The following HFM1 variants were observed in gnomAD, a reference collection of about 807,000 sequenced individuals.
The protein encoded by HFM1 is helicase for meiosis 1.
HFM1 carries 169 observed loss-of-function variants against 192.1 expected under a neutral mutation model. That is an observed-to-expected ratio of 0.88 (90% CI 0.78 to 1.00). The LOEUF (loss-of-function observed/expected upper bound fraction) is 1.00. Ranked by LOEUF, HFM1 falls within the 50% of genes least tolerant of loss-of-function variation. HFM1 has a pLI of 0.00. For synonymous variants in HFM1, 525 were observed against 537.8 expected (o/e 0.98, Z 0.33); for missense variants, 1,661 against 1,668.0 (o/e 1.00, Z 0.07).
At chr1:91,344,197 G>A (rs1312409315) in intron 19 of HFM1, among the ~76,000 whole-genome samples, 1 of 152,160 alleles carries the variant, frequency 6.6e-6, no homozygotes, top group East Asian at 1.9e-4. Flanking sequence ...GTAATCTGCT[G>A]CTGACAGTTC....
At chr1:91,308,939 C>T (rs1404979442) in intron 30 of HFM1, among the ~76,000 whole-genome samples, 1 of 151,870 alleles carries the variant, frequency 6.6e-6, no homozygotes, top group East Asian at 1.9e-4. Flanking sequence ...GTCCTTAGTG[C>T]TTCCACAAAT....
intron 2 of HFM1, among the ~76,000 whole-genome samples, chr1:91,398,989 C>T (rs565268094): frequency 2.0e-5 from 3 of 152,022 alleles, no homozygotes; most frequent in East Asian, 3.9e-4. Context: ...CACCGTGCCT[C>T]GTCACTCCTC....
intron 2 of HFM1, among the ~76,000 whole-genome samples, chr1:91,400,371 T>C (rs1219032328): frequency 6.6e-6 from 1 of 152,142 alleles, no homozygotes; most frequent in Non-Finnish European, 1.5e-5. Context: ...GGTGACGTCA[T>C]TCCTTGTCCT....
intron 3 of HFM1, among the ~76,000 whole-genome samples, chr1:91,395,464 G>A (rs1426379464): frequency 6.6e-6 from 1 of 152,066 alleles, no homozygotes; most frequent in African/African-American, 2.4e-5. Context: ...GGGTATGTAT[G>A]TATTTAGAGA....
At chr1:91,373,747 G>A (rs934924256) in intron 13 of HFM1, among the ~76,000 whole-genome samples, 1 of 151,988 alleles carries the variant, frequency 6.6e-6, no homozygotes, top group Non-Finnish European at 1.5e-5. Flanking sequence ...CAGAAGCCGA[G>A]CAGATGTGGT....
chr1:91,329,110 G>A (rs919517917), intron 20 of HFM1: 10 of 1,609,736 alleles, frequency 6.2e-6, no homozygotes, highest in East Asian at 2.2e-5. Context: ...GGGCCCAAGC[G>A]GGCTGTGGAT....
At chr1:91,314,354 G>A (rs564999547) in intron 28 of HFM1, among the ~76,000 whole-genome samples, 4 of 152,332 alleles carry the variant, frequency 2.6e-5, no homozygotes, top group South Asian at 4.1e-4. Flanking sequence ...CCTAGGCTCA[G>A]GCAGTCTTCC....
upstream of HFM1, among the ~76,000 whole-genome samples, chr1:91,407,821 T>C (rs954832029): frequency 7.9e-5 from 12 of 152,236 alleles, no homozygotes; most frequent in Admixed American, 7.8e-4. Flanking sequence ...TTACAGCCAA[T>C]GCCATGAGTT....
rs1557765788 is a variant in HFM1 at position 91,277,506 on chromosome 1, G to GTGTGT, written c.3392-445_3392-444insACACA. 2.5e-3 allele frequency among the ~76,000 whole-genome samples: 340 copies of GTGTGT among 134,086 alleles called. 4 individuals carry two copies. Among genetic ancestry groups the GTGTGT allele is most frequent in the African/African-American group, 8.8e-3 (317 of 35,910 alleles). The allele number at this position is 134,086 out of a possible 152,430, so 88.0% of individuals were successfully genotyped here. On this transcript the variant is annotated intron_variant, in intron 30 of 38. Transcript: ENST00000370425. The stretch of plus-strand genomic sequence containing the variant: ...GTGTGTGTGTATAATCTCCCTGGTG[G>GTGTGT]GTGTGTGTGTGTGTGTGTGTGTATA...
intron 13 of HFM1, among the ~76,000 whole-genome samples, 195 bp downstream of exon 13, chr1:91,375,163 T>C (rs922877146): frequency 6.6e-6 from 1 of 152,128 alleles, no homozygotes; most frequent in African/African-American, 2.4e-5. Flanking sequence ...ATAATCTTTA[T>C]CATTCAAGAA....
chr1:91,337,036 C>T (rs966786565), intron 20 of HFM1, among the ~76,000 whole-genome samples: 13 of 152,130 alleles, frequency 8.5e-5, no homozygotes, highest in African/African-American at 2.4e-5. Flanking sequence ...ACAATGAGAA[C>T]ACGTGGACGC....
chr1:91,319,710 CT>C, intron 23 of HFM1, among the ~76,000 whole-genome samples: 1 of 152,268 alleles, frequency 6.6e-6, no homozygotes. Flanking sequence ...GAGACTTTCA[CT>C]TAGACTGTTA....
intron 30 of HFM1, among the ~76,000 whole-genome samples, chr1:91,301,306 A>T (rs1263125177): frequency 6.8e-6 from 1 of 147,282 alleles, no homozygotes; most frequent in African/African-American, 2.5e-5. Context: ...ATGGAAGAAC[A>T]TTCCATGCTC....
At chr1:91,349,877 T>G (rs1656694154) in intron 18 of HFM1, among the ~76,000 whole-genome samples, 1 of 152,158 alleles carries the variant, frequency 6.6e-6, no homozygotes, top group Non-Finnish European at 1.5e-5. Flanking sequence ...GTTTAAAAGG[T>G]GCGAAACTAA....
chr1:91,406,501 AGCTG>A (rs1188312770), upstream of HFM1, among the ~76,000 whole-genome samples: 6 of 152,208 alleles, frequency 3.9e-5, no homozygotes, highest in East Asian at 1.2e-3. Context: ...AAAATGTCAA[AGCTG>A]CAGTTTTTAA....
At chr1:91,385,264 A>G in intron 5 of HFM1, 30 bp from the exon 6 acceptor site, 1 of 1,288,400 alleles carries the variant, frequency 7.8e-7, no homozygotes, top group Non-Finnish European at 1.1e-6. Context: ...TATTTATATA[A>G]ATATCAAAAA....
At chr1:91,279,596 A>G (rs949480952) in intron 30 of HFM1, among the ~76,000 whole-genome samples, 1 of 152,188 alleles carries the variant, frequency 6.6e-6, no homozygotes, top group Non-Finnish European at 1.5e-5. Context: ...CCTGGGACCC[A>G]TATTAGCCCT....
At chr1:91,352,695 G>C in intron 15 of HFM1, 44 bp from the exon 16 acceptor site, 1 of 1,428,062 alleles carries the variant, frequency 7.0e-7, no homozygotes. Flanking sequence ...ATTTAACTTT[G>C]TTGCTTCAGG....
intron 23 of HFM1, among the ~76,000 whole-genome samples, chr1:91,320,742 A>C (rs1270563325): frequency 6.6e-6 from 1 of 152,078 alleles, no homozygotes; most frequent in Non-Finnish European, 1.5e-5. Flanking sequence ...TCTGCACCAG[A>C]TAAGGCAAGC....
Sources: gnomAD v4.1 joint callset for allele counts (sites outside exome capture counted in the v4.1 genomes callset) on GRCh38, gnomAD v4.1.1 for gene constraint, MANE v1.5 for transcripts, NCBI Gene and HGNC (gene_info 2026-07-23, HGNC 2026-07-21) for gene names.